Variants in RELN observed in about 807,000 individuals in gnomAD.
RELN encodes reelin.
Under a neutral mutation model 427.6 loss-of-function variants are expected in RELN, and 108 were observed. The observed-to-expected ratio is 0.25, with a 90% CI of 0.22 to 0.30. The LOEUF (loss-of-function observed/expected upper bound fraction) is 0.30, where lower values mean the gene tolerates loss of function less well. RELN is among the 10% of genes least tolerant of loss of function. RELN has a pLI of 1.00. For missense variants in RELN, 3,715 were observed against 4,302.8 expected (o/e 0.86, Z 3.82); for synonymous variants, 1,524 against 1,513.4 (o/e 1.01, Z -0.16).
chr7:103,501,072 A>C, intron 52 of RELN, 150 bp from the exon 53 acceptor site: 2 of 717,010 alleles, frequency 2.8e-6, no homozygotes, highest in Non-Finnish European at 4.7e-6. Context: ...TTTTCTGACC[A>C]CTCTTATCTT....
intron 3 of RELN, among the ~76,000 whole-genome samples, chr7:103,800,807 G>C (rs1401770614): frequency 6.6e-6 from 1 of 152,136 alleles, no homozygotes; most frequent in Non-Finnish European, 1.5e-5. Flanking sequence ...TACAGAATGG[G>C]AGAAAATTTT....
intron 2 of RELN, among the ~76,000 whole-genome samples, chr7:103,861,912 T>C (rs1794079360): frequency 6.6e-6 from 1 of 152,118 alleles, no homozygotes; most frequent in Admixed American, 6.6e-5. Flanking sequence ...GGGTTTATTT[T>C]TTGGTTTTGG....
In RELN at chr7:103,490,614, A is replaced by G. The variant is rs572762952; in HGVS notation, c.9605+54T>C. 1.4e-5 allele frequency: 22 copies of G among 1,580,920 alleles called. No individual in the cohort carries two copies. The East Asian group carries it at 4.7e-4, about 34-fold the overall frequency. On this transcript the variant is annotated intron_variant, in intron 59 of 64. Transcript: ENST00000428762. ...CAGTTGTTTTCAGCTCACTGCATGA[A>G]CTCTGTAGAGAGGCCAGATAATTTC... is the stretch of plus-strand genomic sequence containing the variant.
intron 2 of RELN, among the ~76,000 whole-genome samples, chr7:103,880,613 C>CT (rs1281343946): frequency 6.6e-6 from 1 of 152,158 alleles, no homozygotes; most frequent in African/African-American, 2.4e-5. Flanking sequence ...GCTGTATGGC[C>CT]TGGAACAAGA....
chr7:103,792,853 G>A (rs1270582619), intron 3 of RELN, among the ~76,000 whole-genome samples: 1 of 152,070 alleles, frequency 6.6e-6, no homozygotes, highest in East Asian at 1.9e-4. Context: ...CTGTAGATAA[G>A]CTAATAGGAA....
At position 103,596,578 on chromosome 7, in the gene RELN, C is replaced by T; in HGVS notation, c.3417G>A (p.Glu1139=). The change falls in exon 25 of 65, where the codon GAG becomes GAA. Residue 1139 remains glutamate (E), a synonymous_variant. Transcript: ENST00000428762. ...TGTCAGGCTTGTTGCATGAAGCACTCTCTCCGCCTATCTGGATGTAGAACT... is the reference window on the plus strand; with the variant it reads ...TGTCAGGCTTGTTGCATGAAGCACTTTCTCCGCCTATCTGGATGTAGAACT... ...FVQFYIQIGG[E]SASCNKPDSR... is the part of the protein sequence containing the mutation. 1 of 1,614,084 alleles carries T rather than the reference C, an allele frequency of 6.2e-7. No homozygotes were observed.
chr7:103,574,551 C>A (rs1456079500), intron 29 of RELN, among the ~76,000 whole-genome samples: 1 of 152,106 alleles, frequency 6.6e-6, no homozygotes, highest in African/African-American at 2.4e-5. Context: ...GGAACCATAC[C>A]TTTTCGTAGT....
chr7:103,537,055 T>C (rs1462666575), intron 45 of RELN, among the ~76,000 whole-genome samples: 2 of 152,208 alleles, frequency 1.3e-5, no homozygotes, highest in African/African-American at 2.4e-5. Flanking sequence ...ATTTTATCAA[T>C]AGCAATACTT....
At chr7:103,634,101 A>G (rs910626460) in intron 19 of RELN, among the ~76,000 whole-genome samples, 13 of 152,126 alleles carry the variant, frequency 8.5e-5, no homozygotes, top group Admixed American at 8.5e-4. Context: ...AAATACTTAA[A>G]TATGGAGGCA....
intron 64 of RELN, among the ~76,000 whole-genome samples, chr7:103,473,657 G>A (rs578205282): frequency 6.6e-6 from 1 of 152,276 alleles, no homozygotes; most frequent in East Asian, 1.9e-4. Flanking sequence ...TGTGTGTGAA[G>A]CTGATAAAAA....
At chr7:103,554,859 G>A (rs1420071682) in intron 38 of RELN, among the ~76,000 whole-genome samples, 2 of 152,132 alleles carry the variant, frequency 1.3e-5, no homozygotes, top group Non-Finnish European at 2.9e-5. Context: ...TCTATTCAGG[G>A]AGCAATTCAT....
intron 49 of RELN, among the ~76,000 whole-genome samples, chr7:103,518,880 T>A (rs1166352901): frequency 6.6e-6 from 1 of 152,196 alleles, no homozygotes; most frequent in African/African-American, 2.4e-5. Context: ...TCAAGGTTTT[T>A]AAATAAGGAG....
chr7:103,605,320 G>A lies in RELN; in HGVS notation c.3009-837C>T, dbSNP rs35946023. On this transcript the variant is annotated intron_variant, in intron 22 of 64. Transcript: ENST00000428762. Reference sequence around the variant, plus strand: ...TACTATATTACAAAGAAGAATATCTGGATGCTAAATTCTACTTATTTCTGA... The same window carrying A: ...TACTATATTACAAAGAAGAATATCTAGATGCTAAATTCTACTTATTTCTGA... 1.0e-3 allele frequency among the ~76,000 whole-genome samples: 154 copies of A among 152,220 alleles called. 1 individual carries two copies. In the Middle Eastern group the frequency reaches 0.01, roughly 10 times the overall value.
At chr7:103,692,953 G>C (rs1833902300) in intron 10 of RELN, among the ~76,000 whole-genome samples, 1 of 152,090 alleles carries the variant, frequency 6.6e-6, no homozygotes, top group Non-Finnish European at 1.5e-5. Context: ...ATAGAGAAAT[G>C]TTGAAAACCA....
At chr7:103,532,179 A>C (rs1829954855) in intron 46 of RELN, among the ~76,000 whole-genome samples, 1 of 152,220 alleles carries the variant, frequency 6.6e-6, no homozygotes. Context: ...TCCTCAGCAA[A>C]CTAATGCAGG....
chr7:103,662,441 G>A (rs565350164), intron 11 of RELN, among the ~76,000 whole-genome samples: 1 of 152,164 alleles, frequency 6.6e-6, no homozygotes, highest in Non-Finnish European at 1.5e-5. Flanking sequence ...CTAACAGGGT[G>A]AAACCCCATC....
chr7:103,637,717 G>C (rs1429122308), intron 17 of RELN, among the ~76,000 whole-genome samples: 1 of 152,172 alleles, frequency 6.6e-6, no homozygotes, highest in African/African-American at 2.4e-5. Flanking sequence ...AATGGACTTA[G>C]ACTGAACTTA....
chr7:103,524,278 C>T (rs1584263593), intron 46 of RELN, among the ~76,000 whole-genome samples: 1 of 152,198 alleles, frequency 6.6e-6, no homozygotes, highest in South Asian at 2.1e-4. Context: ...GGGAACAGAA[C>T]ATGGGCTGGA....
chr7:103,705,183 T>A (rs1834173825), intron 8 of RELN, among the ~76,000 whole-genome samples: 2 of 152,196 alleles, frequency 1.3e-5, no homozygotes, highest in Admixed American at 6.5e-5. Context: ...CATTCCAGAA[T>A]GATTAGATCA....
Sources: gnomAD v4.1 joint callset for allele counts (sites outside exome capture counted in the v4.1 genomes callset) on GRCh38, gnomAD v4.1.1 for gene constraint, MANE v1.5 for transcripts, NCBI Gene and HGNC (gene_info 2026-07-23, HGNC 2026-07-21) for gene names.